KRT78: variants seen among roughly 807,000 people sequenced by gnomAD.
The protein encoded by KRT78 is keratin, type II cytoskeletal 78.
In KRT78, 55 loss-of-function variants were observed where a neutral mutation model predicts 51.4. The ratio of observed to expected loss-of-function variants is 1.07; its 90% CI spans 0.86 to 1.34. KRT78 has a LOEUF of 1.34. KRT78 is among the 40% of genes most tolerant of loss of function. KRT78 has a pLI of 0.00. For synonymous variants in KRT78, 291 were observed against 264.3 expected (o/e 1.10, Z -0.98); for missense variants, 652 against 649.4 (o/e 1.00, Z -0.04).
intron 3 of KRT78, 31 bp from the exon 4 acceptor site, chr12:52,846,323 C>A (rs1038784496): frequency 7.3e-7 from 1 of 1,367,312 alleles, no homozygotes; most frequent in Admixed American, 1.7e-5. Flanking sequence ...AACACGTAAC[C>A]CCCTCTTCCT....
Position 52,846,764 on chromosome 12 carries a change from C to A in KRT78, c.660G>T (p.Lys220Asn), listed in dbSNP as rs1179866043. ...TLENDFVVLK[K>N]DVDGVFLSKM... ...GTGGAGCACTGGCCCCCACCCTCAC[C>A]TTCTTGAGGACCACAAAGTCGTTCT... The change falls in exon 3 of 9, where the codon AAG (lysine) becomes AAT (asparagine). Residue 220 changes from lysine to asparagine, a missense_variant and splice_region_variant. Lys to Asn is a moderately conservative substitution (Grantham distance 94, BLOSUM62 0). Coordinates refer to ENST00000304620, the MANE Select transcript of KRT78 (RefSeq NM_173352.4). The A allele has an allele frequency of 1.2e-6, 2 of 1,613,244 alleles. No homozygotes were observed. Among genetic ancestry groups the A allele is most frequent in the Non-Finnish European group, 1.7e-6 (2 of 1,179,574 alleles).
Position 52,839,325 on chromosome 12 carries a change from A to G in KRT78, c.1351T>C (p.Leu451=), listed in dbSNP as rs779320097. Reference sequence around the variant, plus strand: ...CTACCGAGTCCACAAGTGCTCCCCAAGCCTCCACCAACTCCTCCAGACATG... The same window carrying G: ...CTACCGAGTCCACAAGTGCTCCCCAGGCCTCCACCAACTCCTCCAGACATG... ...AVMSGGVGGG[L]GSTCGLGSGK... Residue 451 remains leucine, a synonymous_variant, in exon 9 of 9, where the codon TTG becomes CTG. Transcript: ENST00000304620. 6 of 1,613,900 alleles carry G rather than the reference A, an allele frequency of 3.7e-6. No individual in the cohort carries two copies. Among genetic ancestry groups the G allele is most frequent in the Non-Finnish European group, 4.2e-6 (5 of 1,179,958 alleles).
In KRT78 at chr12:52,839,057, G is replaced by C; in HGVS notation, c.*56C>G. ...GACACGGAGTTGGCCTTGCAGAGCC[G>C]GCTGATGGGGGGAGTGGGCCAAATG... is the stretch of plus-strand genomic sequence containing the variant. On this transcript the variant is annotated 3_prime_UTR_variant, in exon 9 of 9. Transcript: ENST00000304620. The C allele has an allele frequency of 6.4e-7, 1 of 1,572,898 alleles. No individual in the cohort carries two copies. Among genetic ancestry groups the C allele is most frequent in the Non-Finnish European group, 8.6e-7 (1 of 1,162,532 alleles).
At chr12:52,840,656 A>C (rs777058744) in intron 6 of KRT78, among the ~76,000 whole-genome samples, 1 of 152,050 alleles carries the variant, frequency 6.6e-6, no homozygotes, top group Non-Finnish European at 1.5e-5. Flanking sequence ...GCAGTGAGCC[A>C]AGATCATGCC....
chr12:52,844,566 T>C lies in KRT78; in HGVS notation c.914A>G (p.Gln305Arg), dbSNP rs1463661264. Reference protein sequence around the residue: ...SSKAEAEALYQTKYQELQVSA... With the variant: ...SSKAEAEALYRTKYQELQVSA... ...CCCCCCAGGTCCCACCACCTTGGTC[T>C]GGTACAAGGCCTCAGCCTCAGCCTT... The change falls in exon 5 of 9, where the codon CAG becomes CGG. Residue 305 changes from glutamine (Q) to arginine (R), a missense_variant. Transcript: ENST00000304620. 11 of 1,613,044 alleles carry C rather than the reference T, an allele frequency of 6.8e-6. No individual in the cohort carries two copies. The highest frequency in any genetic ancestry group is 9.3e-6 in the Non-Finnish European group (11 of 1,179,372).
chr12:52,845,573 TC>T (rs1007406667), intron 4 of KRT78, among the ~76,000 whole-genome samples: 1 of 152,238 alleles, frequency 6.6e-6, no homozygotes, highest in African/African-American at 2.4e-5. Context: ...GTTCTCATTT[TC>T]CTTTTTTCCA....
intron 4 of KRT78, among the ~76,000 whole-genome samples, chr12:52,845,568 C>T (rs1940620572): frequency 6.6e-6 from 1 of 152,206 alleles, no homozygotes; most frequent in South Asian, 2.1e-4. Flanking sequence ...TCTCTGTTCT[C>T]ATTTTCCTTT....
rs1267570256 is a variant in KRT78, at chr12:52,844,664, G to C, written c.816C>G (p.Asn272Lys). 6.2e-7 allele frequency: 1 copy of C among 1,614,174 alleles called. No homozygotes were observed. The highest frequency in any genetic ancestry group is 2.2e-5 in the East Asian group (1 of 44,880). ...SDTSVVLSMDNNRYLDFSSII... is the reference protein window; with the variant it reads ...SDTSVVLSMDKNRYLDFSSII... ...TGCTGCTGAAGTCCAGGTAGCGGTT[G>C]TTGTCCATGGACAGCACCACAGACG... Residue 272 changes from asparagine to lysine, a missense_variant, in exon 5 of 9, where the codon AAC (asparagine) becomes AAG (lysine). Asn to Lys is a moderately conservative substitution (Grantham distance 94). Transcript: ENST00000304620.
At position 52,848,604 on chromosome 12, in the gene KRT78, C is replaced by T. The variant is rs764220045; in HGVS notation, c.327G>A (p.Thr109=). 3 of 1,614,036 alleles carry T rather than the reference C, an allele frequency of 1.9e-6. No homozygotes were observed. The highest frequency in any genetic ancestry group is 2.2e-5 in the East Asian group (1 of 44,880). Residue 109 remains threonine, a synonymous_variant, in exon 1 of 9, where the codon ACG becomes ACA. Coordinates refer to ENST00000304620, the MANE Select transcript of KRT78 (RefSeq NM_173352.4). ...GGGTTCTGATCTCCTGGGTCTCCTG[C>T]GTCCGCACCACCTGGAACTGGGGAT... The part of the protein sequence containing the change: ...EIDPQFQVVR[T]QETQEIRTLN...
Position 52,840,031 on chromosome 12 carries a change from A to AT in KRT78, c.1048-48dup, listed in dbSNP as rs766390805. The AT allele has an allele frequency of 3.6e-6, 5 of 1,399,088 alleles. No individual in the cohort carries two copies. In the East Asian group the frequency reaches 1.2e-4, roughly 33 times the overall value. 86.7% of individuals were successfully genotyped at this position (1,399,088 alleles called of 1,614,324 possible). On this transcript the variant is annotated intron_variant, in intron 6 of 8. Transcript: ENST00000304620. Reference sequence around the variant, plus strand: ...GCGAGAAGGTGGTTGTAAGTCCAACATAGCCTCTCAAAGCACCCACTGTGG... The same window carrying AT: ...GCGAGAAGGTGGTTGTAAGTCCAACATTAGCCTCTCAAAGCACCCACTGTGG...
intron 5 of KRT78, 58 bp downstream of exon 5, chr12:52,844,501 G>T: frequency 6.4e-7 from 1 of 1,568,506 alleles, no homozygotes; most frequent in South Asian, 1.2e-5. Flanking sequence ...CCACCCTAGA[G>T]TTTGGGCATG....
chr12:52,848,925 A>G lies in KRT78; in HGVS notation c.6T>C (p.Ser2=). 1 of 1,552,706 alleles carries G rather than the reference A, an allele frequency of 6.4e-7. No homozygotes were observed. The highest frequency in any genetic ancestry group is 1.2e-5 in the South Asian group (1 of 82,300). The part of the protein sequence containing the change: M[S]LSPCRAQRGF... ...CCCTCTGGGCCCGGCATGGGGAGAG[A>G]GACATGGCAGAGACAGACAGTCACG... Residue 2 remains serine, a synonymous_variant, in exon 1 of 9, where the codon TCT becomes TCC. Transcript: ENST00000304620.
rs779084346 is a variant in KRT78 at position 52,848,897 on chromosome 12, A to T, written c.34T>A (p.Phe12Ile). Residue 12 changes from phenylalanine to isoleucine, a missense_variant, in exon 1 of 9, where the codon TTC becomes ATC. Coordinates refer to ENST00000304620, the MANE Select transcript of KRT78 (RefSeq NM_173352.4). ...GCAGAACAGGCTGAGCGAGCGCTGA[A>T]GCCCCTCTGGGCCCGGCATGGGGAG... ...SLSPCRAQRG[F>I]SARSACSARS... 6.3e-7 allele frequency: 1 copy of T among 1,589,260 alleles called. No individual in the cohort carries two copies. The highest frequency in any genetic ancestry group is 1.8e-5 in the Admixed American group (1 of 56,450).
rs1227212345 is a variant in KRT78 at position 52,839,492 on chromosome 12, G to A, written c.1269-5C>T. 1 of 1,589,424 alleles carries A rather than the reference G, an allele frequency of 6.3e-7. No individual in the cohort carries two copies. The highest frequency in any genetic ancestry group is 8.6e-7 in the Non-Finnish European group (1 of 1,168,296). On this transcript the variant is annotated splice_region_variant and splice_polypyrimidine_tract_variant and intron_variant, in intron 7 of 8. Transcript: ENST00000304620. ...CTGGTGCACTCCCCAGACATCCTAG[G>A]GGGAAAAGGACAAGAGGGGGATGCG...
chr12:52,840,485 A>G (rs778024424), intron 6 of KRT78, among the ~76,000 whole-genome samples: 29 of 151,854 alleles, frequency 1.9e-4, no homozygotes, highest in Non-Finnish European at 4.1e-4. Context: ...GGTGAATTAC[A>G]AGGTGAGGAG....
At position 52,848,945 on chromosome 12, in the gene KRT78, G is replaced by T; in HGVS notation, c.-15C>A. ...GAGAGAGACATGGCAGAGACAGACA[G>T]TCACGCAGCTGCAGACGGACAGACA... is the stretch of plus-strand genomic sequence containing the variant. On this transcript the variant is annotated 5_prime_UTR_variant, in exon 1 of 9. In the 5' UTR this introduces an upstream ATG that the reference lacks. Transcript: ENST00000304620. 1.3e-6 allele frequency: 2 copies of T among 1,529,206 alleles called. No individual in the cohort carries two copies. The highest frequency in any genetic ancestry group is 4.1e-5 in the Admixed American group (2 of 48,476). 94.7% of individuals were successfully genotyped at this position (1,529,206 alleles called of 1,614,324 possible). A position where few individuals can be genotyped will look rare whatever the true frequency, so the allele number is the denominator to read the frequency against.
intron 6 of KRT78, among the ~76,000 whole-genome samples, chr12:52,842,959 G>GAAAGGAAGGAAGGAAGGA (rs1940537480): frequency 1.9e-5 from 1 of 53,760 alleles, no homozygotes; most frequent in Admixed American, 2.0e-4. Context: ...GAGAGAGAGA[G>GAAAGGAAGGAAGGAAGGA]AGGAAGGAAG....
Position 52,842,937 on chromosome 12 carries a change from A to AAGAG in KRT78, c.1047+1152_1047+1155dup, listed in dbSNP as rs35721226. On this transcript the variant is annotated intron_variant, in intron 6 of 8. Transcript: ENST00000304620. ...ATGAAAGAAAGAAAGGAAAGAAAGAAAGAGAGAGAGAGAGAGAGAGAGAGG... is the reference window on the plus strand; with the variant it reads ...ATGAAAGAAAGAAAGGAAAGAAAGAAAGAGAGAGAGAGAGAGAGAGAGAGAGAGG... Among the ~76,000 whole-genome samples, 91 of 103,690 alleles carry AAGAG rather than the reference A, an allele frequency of 8.8e-4. 1 individual carries two copies. The highest frequency in any genetic ancestry group is 2.9e-3 in the African/African-American group (47 of 16,294). The allele number at this position is 103,690 out of a possible 152,430, so 68.0% of individuals were successfully genotyped here. A position where few individuals can be genotyped will look rare whatever the true frequency, so the allele number is the denominator to read the frequency against.
Position 52,838,846 on chromosome 12 carries a change from C to A in KRT78, c.*267G>T, listed in dbSNP as rs1361293814. 5 of 513,742 alleles carry A rather than the reference C, an allele frequency of 9.7e-6. No homozygotes were observed. The highest frequency in any genetic ancestry group is 1.4e-5 in the Non-Finnish European group (4 of 286,568). The allele number at this position is 513,742 out of a possible 1,614,324, so 31.8% of individuals were successfully genotyped here. On this transcript the variant is annotated 3_prime_UTR_variant, in exon 9 of 9. Transcript: ENST00000304620. ...GTGGCTGGGATGTGGAGTGAGATAC[C>A]AATAGAACACGTCTGGACACAGATA...
Sources: gnomAD v4.1 joint callset for allele counts (sites outside exome capture counted in the v4.1 genomes callset) on GRCh38, gnomAD v4.1.1 for gene constraint, MANE v1.5 for transcripts, NCBI Gene and HGNC (gene_info 2026-07-23, HGNC 2026-07-21) for gene names.